Variants in ADCY1 observed in about 807,000 individuals in gnomAD.
ADCY1 encodes adenylate cyclase type 1.
ADCY1 carries 28 observed loss-of-function variants against 105.4 expected under a neutral mutation model. The observed-to-expected ratio is 0.27, with a 90% CI of 0.20 to 0.36. The LOEUF is 0.36. Among genes scored for constraint, ADCY1 ranks in the 10% least tolerant of loss-of-function variants. The pLI, the probability that ADCY1 is intolerant of heterozygous loss-of-function variation, is 1.00. For synonymous variants in ADCY1, 655 were observed against 623.8 expected (o/e 1.05, Z -0.75); for missense variants, 977 against 1,434.2 (o/e 0.68, Z 5.15).
intron 2 of ADCY1, among the ~76,000 whole-genome samples, chr7:45,609,436 G>T (rs1584266733): frequency 6.6e-6 from 1 of 152,346 alleles, no homozygotes; most frequent in Non-Finnish European, 1.5e-5. Context: ...ACGACAGGCC[G>T]CTGCGGAGGG....
intron 14 of ADCY1, among the ~76,000 whole-genome samples, chr7:45,689,373 T>TC (rs1299480971): frequency 6.6e-6 from 1 of 152,148 alleles, no homozygotes; most frequent in Non-Finnish European, 1.5e-5. Context: ...GGCTCACAGT[T>TC]CTACAGGCTG....
intron 4 of ADCY1, among the ~76,000 whole-genome samples, chr7:45,635,104 A>G (rs1188195545): frequency 6.6e-6 from 1 of 150,732 alleles, no homozygotes; most frequent in African/African-American, 2.4e-5. Context: ...TTTAACTACA[A>G]ATTTAATTTC....
chr7:45,617,369 G>A (rs79634915), intron 3 of ADCY1, among the ~76,000 whole-genome samples: 4,229 of 152,268 alleles, frequency 0.028, 166 homozygotes, highest in African/African-American at 0.096. Context: ...TATGGCCTGG[G>A]GCCGAGTTGC....
intron 14 of ADCY1, among the ~76,000 whole-genome samples, chr7:45,696,930 C>T (rs568079926): frequency 9.2e-5 from 14 of 152,226 alleles, no homozygotes; most frequent in African/African-American, 3.1e-4. Flanking sequence ...GTTGTTTGCT[C>T]CTCAGAAAGG....
rs1354671141 is a variant in ADCY1, at chr7:45,592,970, G to A, written c.789+62G>A. The A allele has an allele frequency of 1.9e-6, 3 of 1,594,678 alleles. No homozygotes were observed. The African/African-American group carries it at 4.0e-5, about 21-fold the overall frequency. On this transcript the variant is annotated intron_variant, in intron 2 of 19. Transcript: ENST00000297323. ...CTGTGGGGCTGGGGAGGTGGAAGAA[G>A]CTGGCTTCCTGAGCCTCAGTTTACC...
chr7:45,621,688 A>G (rs1211498327), intron 3 of ADCY1, among the ~76,000 whole-genome samples: 2 of 152,160 alleles, frequency 1.3e-5, no homozygotes, highest in African/African-American at 4.8e-5. Flanking sequence ...CTTTGGCGAT[A>G]CACTGTGTTG....
At chr7:45,574,240 T>G (rs1470795765), upstream of ADCY1, 1 of 755,636 alleles carries the variant, frequency 1.3e-6, no homozygotes, top group Non-Finnish European at 1.6e-6. This position sits in a 1 kb window ranked among gnomAD's most constrained non-coding sequence, Gnocchi z 7.0. Flanking sequence ...GGACGCGGAG[T>G]TGGGGCGCGG....
chr7:45,703,723 G>A lies in ADCY1; in HGVS notation c.2695G>A (p.Glu899Lys). 6.3e-7 allele frequency: 1 copy of A among 1,592,172 alleles called. No individual in the cohort carries two copies. The highest frequency in any genetic ancestry group is 8.6e-7 in the Non-Finnish European group (1 of 1,167,970). The change falls in exon 16 of 20, where the codon GAG becomes AAG. Residue 899 changes from glutamate to lysine, a missense_variant. Glu to Lys is a moderately conservative substitution (Grantham distance 56, BLOSUM62 1). Coordinates refer to ENST00000297323, the MANE Select transcript of ADCY1 (RefSeq NM_021116.4). The surrounding 1 kb of genome is among the most constrained non-coding windows in gnomAD (Gnocchi z 5.9). ...GGTGGAGTGTCTGCGGCTTCTCAAC[G>A]AGATCATCGCCGACTTTGACGAGGT... is the stretch of plus-strand genomic sequence containing the variant. ...MGVECLRLLN[E>K]IIADFDELME...
At chr7:45,577,480 A>G (rs1284402587) in intron 1 of ADCY1, among the ~76,000 whole-genome samples, 2 of 152,262 alleles carry the variant, frequency 1.3e-5, no homozygotes, top group East Asian at 3.9e-4. Context: ...GGTGCTTGAG[A>G]TGGTGAAGAA....
chr7:45,610,782 G>GAA (rs1793532899), intron 3 of ADCY1, among the ~76,000 whole-genome samples: 7 of 20,106 alleles, frequency 3.5e-4, no homozygotes, highest in African/African-American at 8.2e-4. Context: ...GGAGGTGTGG[G>GAA]GGTGATGGTG....
At chr7:45,576,627 C>T (rs528317772) in intron 1 of ADCY1, among the ~76,000 whole-genome samples, 56 of 152,270 alleles carry the variant, frequency 3.7e-4, no homozygotes, top group African/African-American at 1.2e-3. Context: ...CTTCCACAGC[C>T]TCCTGTGGGC....
At chr7:45,586,695 T>C (rs1027797765) in intron 1 of ADCY1, among the ~76,000 whole-genome samples, 1 of 152,160 alleles carries the variant, frequency 6.6e-6, no homozygotes, top group African/African-American at 2.4e-5. Flanking sequence ...GTGAGCACCA[T>C]GGAGGGACTG....
Position 45,589,332 on chromosome 7 carries a change from G to A in ADCY1, c.640-3427G>A, listed in dbSNP as rs780174259. On this transcript the variant is annotated intron_variant, in intron 1 of 19. Transcript: ENST00000297323. ...TGGTGGTGTGCAGATGGCCCGGGCC[G>A]GGCCGGGGTTGGGTCTCCTGCTCCA... Among the ~76,000 whole-genome samples the A allele has an allele frequency of 3.9e-5, 6 of 152,240 alleles. No individual in the cohort carries two copies. In the East Asian group the frequency reaches 5.8e-4, roughly 15 times the overall value.
At chr7:45,652,426 A>C (rs988665254) in intron 5 of ADCY1, among the ~76,000 whole-genome samples, 5 of 152,236 alleles carry the variant, frequency 3.3e-5, no homozygotes, top group African/African-American at 1.2e-4. Flanking sequence ...TGCTGGTAGC[A>C]CAAGAAAGAA....
chr7:45,697,553 G>C (rs1784911347), intron 14 of ADCY1, among the ~76,000 whole-genome samples: 1 of 152,106 alleles, frequency 6.6e-6, no homozygotes, highest in African/African-American at 2.4e-5. Context: ...ACCACGCCCG[G>C]CTAATTTTGT....
chr7:45,603,385 T>G (rs1389232878), intron 2 of ADCY1, among the ~76,000 whole-genome samples: 3 of 152,254 alleles, frequency 2.0e-5, no homozygotes, highest in African/African-American at 7.2e-5. Flanking sequence ...GCTGCTAGAC[T>G]GTTTTCCAAA....
chr7:45,704,797 A>T (rs56146097), intron 17 of ADCY1, among the ~76,000 whole-genome samples, 181 bp downstream of exon 17: 1 of 152,128 alleles, frequency 6.6e-6, no homozygotes, highest in Non-Finnish European at 1.5e-5. Context: ...TCCTAGGGAA[A>T]GTCAGCACAG....
In ADCY1 at chr7:45,610,334, G is replaced by A. The variant is rs780188329; in HGVS notation, c.790-45G>A. 6 of 1,560,400 alleles carry A rather than the reference G, an allele frequency of 3.8e-6. No individual in the cohort carries two copies. The African/African-American group carries it at 6.8e-5, about 18-fold the overall frequency. On this transcript the variant is annotated intron_variant, in intron 2 of 19. Coordinates refer to ENST00000297323, the MANE Select transcript of ADCY1 (RefSeq NM_021116.4). ...GAGGGTGAGGTGAGGAGGAGTGGAG[G>A]GAGGGGGCCCTGCTGTCTAACCCGG... is the stretch of plus-strand genomic sequence containing the variant.
At position 45,648,756 on chromosome 7, in the gene ADCY1, C is replaced by T. The variant is rs371172219; in HGVS notation, c.1107C>T (p.His369=). Residue 369 remains histidine (H), a synonymous_variant, in exon 5 of 20, where the codon CAC becomes CAT. Coordinates refer to ENST00000297323, the MANE Select transcript of ADCY1 (RefSeq NM_021116.4). ...CCCAGCCCAAGACTGACCATGCCCA[C>T]TGCTGTGTGGAGATGGGACTCGACA... is the stretch of plus-strand genomic sequence containing the variant. ...GLTQPKTDHA[H]CCVEMGLDMI... The T allele has an allele frequency of 1.9e-6, 3 of 1,614,064 alleles. No individual in the cohort carries two copies. The highest frequency in any genetic ancestry group is 2.5e-6 in the Non-Finnish European group (3 of 1,180,032).
Sources: allele counts gnomAD v4.1 joint callset (sites outside exome capture counted in the v4.1 genomes callset), GRCh38; gene constraint gnomAD v4.1.1; non-coding constraint Gnocchi (gnomAD v3.1); transcripts MANE v1.5; gene names NCBI Gene and HGNC (gene_info 2026-07-23, HGNC 2026-07-21).